SLC24A3: variants seen among roughly 807,000 people sequenced by gnomAD.
SLC24A3 encodes solute carrier family 24 member 3, also known as sodium/potassium/calcium exchanger 3.
SLC24A3 carries 28 observed loss-of-function variants against 75.8 expected under a neutral mutation model. The ratio of observed to expected loss-of-function variants is 0.37; its 90% CI spans 0.27 to 0.51. The LOEUF is 0.51. Ranked by LOEUF, SLC24A3 falls within the 20% of genes least tolerant of loss-of-function variation. SLC24A3 has a pLI of 0.94. For synonymous variants in SLC24A3, 372 were observed against 334.1 expected, an observed-to-expected ratio of 1.11 and a Z score of -1.24; for missense variants, 663 against 847.8, an observed-to-expected ratio of 0.78 and a Z score of 2.71.
intron 2 of SLC24A3, among the ~76,000 whole-genome samples, chr20:19,371,701 G>A (rs1985995527): frequency 6.6e-6 from 1 of 152,046 alleles, no homozygotes; most frequent in Non-Finnish European, 1.5e-5. Context: ...TTTTGGGGTG[G>A]GACCCCAGAC....
At chr20:19,618,199 C>G (rs764176665) in intron 6 of SLC24A3, among the ~76,000 whole-genome samples, 1 of 152,168 alleles carries the variant, frequency 6.6e-6, no homozygotes, top group Non-Finnish European at 1.5e-5. Flanking sequence ...GTCAGGCTGT[C>G]TACATCCAGG....
At chr20:19,428,384 A>T (rs1299529160) in intron 2 of SLC24A3, among the ~76,000 whole-genome samples, 1 of 152,224 alleles carries the variant, frequency 6.6e-6, no homozygotes, top group African/African-American at 2.4e-5. Context: ...AGGAGTCATT[A>T]GACTCTGAGG....
chr20:19,716,458 C>T (rs1452157041), intron 15 of SLC24A3, among the ~76,000 whole-genome samples: 2 of 151,306 alleles, frequency 1.3e-5, no homozygotes, highest in Admixed American at 6.6e-5. Context: ...TTTCAAATGC[C>T]CAACAGCCAC....
At chr20:19,631,220 GC>G (rs1181699305) in intron 6 of SLC24A3, among the ~76,000 whole-genome samples, 2 of 152,104 alleles carry the variant, frequency 1.3e-5, no homozygotes, top group Admixed American at 6.5e-5. Context: ...ATTAGCGTAG[GC>G]TGGTAGTACC....
rs11482561 is a variant in SLC24A3 at position 19,517,019 on chromosome 20, T to TC, written c.348+1458dup. ...ATCAACTCTTCAACTGGTCTCCCAC[T>TC]CCCAAAAAAGGGAGCATGAAAAGTC... On this transcript the variant is annotated intron_variant, in intron 3 of 16. Coordinates refer to ENST00000328041, the MANE Select transcript of SLC24A3 (RefSeq NM_020689.4). Among the ~76,000 whole-genome samples the TC allele has an allele frequency of 8.5e-3, 1,289 of 152,128 alleles. 7 individuals are homozygous for TC. The highest frequency in any genetic ancestry group is 0.012 in the Non-Finnish European group (834 of 67,966).
At chr20:19,703,481 C>A (rs1249908966) in intron 15 of SLC24A3, among the ~76,000 whole-genome samples, 2 of 152,200 alleles carry the variant, frequency 1.3e-5, no homozygotes, top group East Asian at 1.9e-4. Flanking sequence ...TTTTCAACTG[C>A]AGCAGCAAGC....
chr20:19,319,409 G>A (rs1466973872), intron 2 of SLC24A3, among the ~76,000 whole-genome samples: 2 of 152,216 alleles, frequency 1.3e-5, no homozygotes, highest in Admixed American at 6.5e-5. Flanking sequence ...ATGCAGTGGT[G>A]TGATACCTAC....
At chr20:19,543,346 G>A (rs2030534020) in intron 3 of SLC24A3, among the ~76,000 whole-genome samples, 2 of 152,230 alleles carry the variant, frequency 1.3e-5, no homozygotes, top group South Asian at 4.1e-4. Flanking sequence ...CAGAGAAAGT[G>A]AGCTTTGTTT....
intron 2 of SLC24A3, among the ~76,000 whole-genome samples, chr20:19,297,577 G>C (rs1281697116): frequency 6.6e-6 from 1 of 152,156 alleles, no homozygotes; most frequent in Non-Finnish European, 1.5e-5. Flanking sequence ...CCATGTATTT[G>C]TGTGTAGGCA....
chr20:19,691,266 A>G (rs1358473764), intron 12 of SLC24A3, among the ~76,000 whole-genome samples: 1 of 152,246 alleles, frequency 6.6e-6, no homozygotes, highest in Non-Finnish European at 1.5e-5. Context: ...ACATTCGAGC[A>G]GTGAAGTGGC....
chr20:19,348,904 T>C (rs749642738), intron 2 of SLC24A3, among the ~76,000 whole-genome samples: 1 of 152,090 alleles, frequency 6.6e-6, no homozygotes, highest in African/African-American at 2.4e-5. Context: ...CAGAGACAAT[T>C]TCTCCCTCAG....
intron 2 of SLC24A3, among the ~76,000 whole-genome samples, chr20:19,351,714 A>T (rs1985569974): frequency 6.6e-6 from 1 of 152,100 alleles, no homozygotes; most frequent in South Asian, 2.1e-4. Flanking sequence ...CCAAGGCTTC[A>T]TGCACTTCAC....
intron 1 of SLC24A3, among the ~76,000 whole-genome samples, chr20:19,246,800 T>G (rs903881420): frequency 6.6e-6 from 1 of 152,212 alleles, no homozygotes. Flanking sequence ...TCTATCTCTA[T>G]CTCTATCTCC....
rs142514392 is a variant in SLC24A3 at position 19,583,777 on chromosome 20, T to C, written c.424-1194T>C. Among the ~76,000 whole-genome samples, 925 of 151,916 alleles carry C rather than the reference T, an allele frequency of 6.1e-3. 4 individuals are homozygous for C. The highest frequency in any genetic ancestry group is 0.017 in the Middle Eastern group (5 of 294). On this transcript the variant is annotated intron_variant, in intron 4 of 16. Coordinates refer to ENST00000328041, the MANE Select transcript of SLC24A3 (RefSeq NM_020689.4). ...GACTCTTAGCTCCATGGGACAGGAG[T>C]GCTTGGGCACCCCTCACAGCCACAC...
At chr20:19,659,789 A>AC (rs1568688183) in intron 7 of SLC24A3, among the ~76,000 whole-genome samples, 2 of 152,052 alleles carry the variant, frequency 1.3e-5, no homozygotes, top group African/African-American at 4.8e-5. Flanking sequence ...TCCTCCTCTT[A>AC]CAGTCTTTAA....
At chr20:19,526,309 T>C (rs1001387270) in intron 3 of SLC24A3, among the ~76,000 whole-genome samples, 17 of 152,224 alleles carry the variant, frequency 1.1e-4, no homozygotes, top group African/African-American at 4.1e-4. Context: ...GCCCTGGCTA[T>C]GCCACGTACT....
chr20:19,554,010 C>A lies in SLC24A3; in HGVS notation c.349-25990C>A, dbSNP rs145757829. Among the ~76,000 whole-genome samples the A allele has an allele frequency of 1.3e-3, 193 of 152,208 alleles. 2 individuals are homozygous for A. The highest frequency in any genetic ancestry group is 4.4e-3 in the African/African-American group (184 of 41,538). ...TGACTCTAAGGCACTGAATGCAAAC[C>A]AAGAGGAATGAATCCAATGATAACA... On this transcript the variant is annotated intron_variant, in intron 3 of 16. Coordinates refer to ENST00000328041, the MANE Select transcript of SLC24A3 (RefSeq NM_020689.4).
At chr20:19,688,457 AG>A (rs1261010806) in intron 12 of SLC24A3, among the ~76,000 whole-genome samples, 1 of 152,234 alleles carries the variant, frequency 6.6e-6, no homozygotes, top group Non-Finnish European at 1.5e-5. Flanking sequence ...TTTTAAGGCA[AG>A]GGGACTGAAT....
chr20:19,514,393 G>C (rs2029942167), intron 2 of SLC24A3, among the ~76,000 whole-genome samples: 1 of 152,220 alleles, frequency 6.6e-6, no homozygotes. Flanking sequence ...GTGGCAAGCA[G>C]GTATCATCTA....
Sources: allele counts gnomAD v4.1 joint callset (sites outside exome capture counted in the v4.1 genomes callset), GRCh38; gene constraint gnomAD v4.1.1; transcripts MANE v1.5; gene names NCBI Gene and HGNC (gene_info 2026-07-23, HGNC 2026-07-21).